Variants in DIAPH2 observed in about 807,000 individuals in gnomAD.
The protein encoded by DIAPH2 is diaphanous related formin 2.
In DIAPH2, 35 loss-of-function variants were observed where a neutral mutation model predicts 92.7. The ratio of observed to expected loss-of-function variants is 0.38; its 90% CI spans 0.29 to 0.50. DIAPH2 has a LOEUF of 0.50. Among genes scored for constraint, DIAPH2 ranks in the 20% least tolerant of loss-of-function variants. The pLI is 0.94. For missense variants in DIAPH2, 701 were observed against 819.5 expected, an observed-to-expected ratio of 0.86 and a Z score of 1.77; for synonymous variants, 301 against 280.4, an observed-to-expected ratio of 1.07 and a Z score of -0.73.
intron 25 of DIAPH2, among the ~76,000 whole-genome samples, chrX:97,390,026 T>C (rs2069641177): frequency 9.1e-6 from 1 of 110,207 alleles, no homozygotes; most frequent in African/African-American, 3.3e-5. Flanking sequence ...CAAGTTGTTA[T>C]CTACACAGCA....
chrX:96,802,471 T>G (rs2064590227), intron 4 of DIAPH2, among the ~76,000 whole-genome samples: 1 of 112,500 alleles, frequency 8.9e-6, no homozygotes, highest in South Asian at 3.6e-4. Context: ...TATTTCATTG[T>G]ATGAATATAT....
chrX:97,261,435 A>G (rs2068287217), intron 23 of DIAPH2, among the ~76,000 whole-genome samples: 1 of 112,512 alleles, frequency 8.9e-6, no homozygotes, highest in Non-Finnish European at 1.9e-5. Flanking sequence ...CTCTCAATTT[A>G]TGACTGATTC....
At chrX:97,411,071 C>T (rs758959694) in intron 25 of DIAPH2, among the ~76,000 whole-genome samples, 2 of 110,937 alleles carry the variant, frequency 1.8e-5, no homozygotes, top group South Asian at 3.8e-4. Flanking sequence ...AAAGATACTC[C>T]TCAAGAAGAG....
At chrX:97,389,780 C>T (rs991578118) in intron 25 of DIAPH2, among the ~76,000 whole-genome samples, 1 of 109,965 alleles carries the variant, frequency 9.1e-6, no homozygotes, top group Non-Finnish European at 1.9e-5. Context: ...CAAATCCATC[C>T]CCTCAAGGAG....
At chrX:97,463,844 G>C (rs187133097) in intron 26 of DIAPH2, among the ~76,000 whole-genome samples, 7 of 111,294 alleles carry the variant, frequency 6.3e-5, no homozygotes, top group Middle Eastern at 4.6e-3. Context: ...TAGGAGATCT[G>C]GTTTCTAATG....
intron 26 of DIAPH2, chrX:97,442,111 T>G: frequency 8.8e-6 from 1 of 113,159 alleles, no homozygotes; most frequent in Non-Finnish European, 1.9e-5. Context: ...ATTTCCTCAT[T>G]GGTGATCCCT....
intron 23 of DIAPH2, among the ~76,000 whole-genome samples, chrX:97,330,103 G>GTGTGTGTGTGTGTA (rs2068987192): frequency 9.3e-6 from 1 of 108,077 alleles, no homozygotes; most frequent in Non-Finnish European, 1.9e-5. Context: ...GTGTGTGTGT[G>GTGTGTGTGTGTGTA]TGTGTGTGTA....
chrX:97,050,634 A>C (rs377250715), intron 17 of DIAPH2, among the ~76,000 whole-genome samples: 39 of 109,591 alleles, frequency 3.6e-4, no homozygotes, highest in African/African-American at 1.2e-3. Flanking sequence ...GCTTTAGCTT[A>C]AGGGAACAGA....
chrX:97,214,508 A>G (rs2067866740), intron 22 of DIAPH2, among the ~76,000 whole-genome samples: 1 of 109,441 alleles, frequency 9.1e-6, no homozygotes, highest in Non-Finnish European at 1.9e-5. Context: ...TTCATATTTA[A>G]AATTTTCTTA....
intron 4 of DIAPH2, among the ~76,000 whole-genome samples, chrX:96,787,103 G>T (rs905748151): frequency 9.0e-6 from 1 of 111,487 alleles, no homozygotes; most frequent in African/African-American, 3.3e-5. Flanking sequence ...GCTACTTCCT[G>T]TCTAATTTTG....
intron 23 of DIAPH2, among the ~76,000 whole-genome samples, chrX:97,254,644 G>A (rs1390912179): frequency 9.1e-6 from 1 of 110,326 alleles, no homozygotes. Context: ...TTTCCTAAGT[G>A]ACCGCCAAAG....
chrX:96,806,418 G>A (rs2064624757), intron 4 of DIAPH2, among the ~76,000 whole-genome samples: 1 of 109,189 alleles, frequency 9.2e-6, no homozygotes, highest in Non-Finnish European at 1.9e-5. Context: ...AGGCTGAGGT[G>A]GGCAGATAAC....
At chrX:96,820,349 A>G (rs233680) in intron 4 of DIAPH2, among the ~76,000 whole-genome samples, 28,350 of 110,641 alleles carry the variant, frequency 0.26, 2,769 homozygotes, top group Admixed American at 0.37. Context: ...GCACGCCTGT[A>G]GTCCCAGCTA....
intron 22 of DIAPH2, among the ~76,000 whole-genome samples, chrX:97,245,530 C>G (rs900055255): frequency 9.0e-6 from 1 of 110,578 alleles, no homozygotes; most frequent in Non-Finnish European, 1.9e-5. Flanking sequence ...GCCTCAGCCT[C>G]CTAAAGAGCT....
At chrX:97,107,273 CATT>C (rs2066948591) in intron 20 of DIAPH2, among the ~76,000 whole-genome samples, 1 of 111,287 alleles carries the variant, frequency 9.0e-6, no homozygotes, top group African/African-American at 3.3e-5. Flanking sequence ...CAGCCTACAT[CATT>C]ATTTTTCTGA....
intron 26 of DIAPH2, among the ~76,000 whole-genome samples, chrX:97,460,434 A>G (rs2070449204): frequency 8.9e-6 from 1 of 112,622 alleles, no homozygotes; most frequent in Non-Finnish European, 1.9e-5. Flanking sequence ...ATGTATTTCA[A>G]TAAATGCCTT....
At chrX:96,784,289 T>C (rs1391615011) in intron 4 of DIAPH2, among the ~76,000 whole-genome samples, 1 of 112,339 alleles carries the variant, frequency 8.9e-6, no homozygotes, top group East Asian at 2.8e-4. Context: ...CCATTTATTT[T>C]TATTAAAATA....
chrX:97,365,180 C>T (rs1400703373), intron 24 of DIAPH2, among the ~76,000 whole-genome samples: 2 of 110,814 alleles, frequency 1.8e-5, no homozygotes, highest in Non-Finnish European at 3.8e-5. Flanking sequence ...ACCAAAGCAC[C>T]GTTGTTTGCA....
At chrX:97,472,929 T>C (rs2070574522) in intron 26 of DIAPH2, among the ~76,000 whole-genome samples, 1 of 112,000 alleles carries the variant, frequency 8.9e-6, no homozygotes, top group Non-Finnish European at 1.9e-5. Context: ...CATTTCTCTA[T>C]CCTGGTTTAT....
Sources: gnomAD v4.1 joint callset for allele counts (sites outside exome capture counted in the v4.1 genomes callset) on GRCh38, gnomAD v4.1.1 for gene constraint, MANE v1.5 for transcripts, NCBI Gene and HGNC (gene_info 2026-07-23, HGNC 2026-07-21) for gene names.